TAF13: variants seen among roughly 807,000 people sequenced by gnomAD.
TAF13 encodes the protein TATA-box binding protein associated factor 13.
TAF13 carries 9 observed loss-of-function variants against 18.7 expected under a neutral mutation model. The ratio of observed to expected loss-of-function variants is 0.48; its 90% CI spans 0.29 to 0.84. The LOEUF is 0.84. Ranked by LOEUF, TAF13 falls within the 40% of genes least tolerant of loss-of-function variation. The pLI, the probability that TAF13 is intolerant of heterozygous loss-of-function variation, is 0.08. For missense variants in TAF13, 105 were observed against 146.5 expected, an observed-to-expected ratio of 0.72 and a Z score of 1.46; for synonymous variants, 49 against 44.1, an observed-to-expected ratio of 1.11 and a Z score of -0.44.
At chr1:109,074,145 T>G (rs1186577247) in intron 2 of TAF13, among the ~76,000 whole-genome samples, 1 of 152,086 alleles carries the variant, frequency 6.6e-6, no homozygotes, top group East Asian at 1.9e-4. Context: ...AACGGGGAAA[T>G]GTGGGGAAAA....
chr1:109,066,337 A>G (rs1256377592), intron 2 of TAF13, 105 bp from the exon 3 acceptor site: 8 of 822,750 alleles, frequency 9.7e-6, no homozygotes, highest in Middle Eastern at 3.1e-4. Flanking sequence ...TAATATTGGT[A>G]TGAAAACATA....
chr1:109,074,559 C>A (rs1664147068), intron 2 of TAF13, among the ~76,000 whole-genome samples: 1 of 151,742 alleles, frequency 6.6e-6, no homozygotes, highest in Admixed American at 6.6e-5. Context: ...TGAGAAACAC[C>A]CAAGAATGAT....
chr1:109,066,142 G>A lies in TAF13; in HGVS notation c.197C>T (p.Thr66Ile), dbSNP rs1663947670. 6.2e-7 allele frequency: 1 copy of A among 1,607,202 alleles called. No individual in the cohort carries two copies. Among genetic ancestry groups the A allele is most frequent in the Non-Finnish European group, 8.5e-7 (1 of 1,177,882 alleles). ...GTTAGGAAAGAATCTTACCATTTCA[G>A]TGATAAACTCTATGACAAGATCTTC... ...ILEDLVIEFI[T>I]EMTHKAMSIG... The change falls in exon 3 of 4, where the codon ACT becomes ATT. Residue 66 changes from threonine (T) to isoleucine (I), a missense_variant. Coordinates refer to ENST00000338366, the MANE Select transcript of TAF13 (RefSeq NM_005645.4).
At chr1:109,074,488 C>T (rs1441332295) in intron 2 of TAF13, among the ~76,000 whole-genome samples, 1 of 152,180 alleles carries the variant, frequency 6.6e-6, no homozygotes, top group East Asian at 1.9e-4. Context: ...CCCTTGTTCA[C>T]ATGTTTATCT....
intron 2 of TAF13, among the ~76,000 whole-genome samples, chr1:109,074,622 CA>C (rs1056149325): frequency 2.0e-5 from 3 of 151,646 alleles, no homozygotes; most frequent in African/African-American, 4.8e-5. Flanking sequence ...TAAAAACACA[CA>C]AAAAAAATTA....
chr1:109,069,073 T>A (rs1557985006), intron 2 of TAF13, among the ~76,000 whole-genome samples: 1 of 152,296 alleles, frequency 6.6e-6, no homozygotes, highest in Non-Finnish European at 1.5e-5. Context: ...TATCTGTACA[T>A]GGGCATTTTT....
intron 2 of TAF13, among the ~76,000 whole-genome samples, chr1:109,071,935 T>A (rs1275073699): frequency 7.0e-6 from 1 of 143,580 alleles, no homozygotes; most frequent in Non-Finnish European, 1.5e-5. Flanking sequence ...CTGACAACAG[T>A]GAGACTCTGT....
chr1:109,071,048 G>A (rs1664040131), intron 2 of TAF13, among the ~76,000 whole-genome samples: 1 of 152,226 alleles, frequency 6.6e-6, no homozygotes, highest in Admixed American at 6.5e-5. Flanking sequence ...TGTAATCCTA[G>A]CACTTTGGGA....
chr1:109,067,656 G>A (rs1342288649), intron 2 of TAF13, among the ~76,000 whole-genome samples: 1 of 152,066 alleles, frequency 6.6e-6, no homozygotes, highest in Non-Finnish European at 1.5e-5. Context: ...AAAATAATAA[G>A]AGAGAAGTCT....
chr1:109,071,957 A>AAAAAAAAAAAATATAT (rs1268379958), intron 2 of TAF13, among the ~76,000 whole-genome samples: 1 of 87,864 alleles, frequency 1.1e-5, no homozygotes, highest in Non-Finnish European at 2.2e-5. Context: ...TCAAAAAGAA[A>AAAAAAAAAAAATATAT]ATATATATAT....
intron 2 of TAF13, among the ~76,000 whole-genome samples, chr1:109,073,634 C>T (rs1664119832): frequency 1.3e-5 from 2 of 152,200 alleles, no homozygotes; most frequent in Admixed American, 6.5e-5. Context: ...CCCGAGGTGC[C>T]GGGATTCCAG....
intron 3 of TAF13, 52 bp downstream of exon 3, chr1:109,066,083 T>C (rs933668838): frequency 3.5e-5 from 51 of 1,478,180 alleles, no homozygotes; most frequent in Admixed American, 2.5e-4. Flanking sequence ...TAAAGTTTAA[T>C]ATTTCAAATC....
At chr1:109,067,241 T>C (rs1663966583) in intron 2 of TAF13, among the ~76,000 whole-genome samples, 1 of 151,984 alleles carries the variant, frequency 6.6e-6, no homozygotes, top group Non-Finnish European at 1.5e-5. Context: ...GTAGACTGCT[T>C]GAGCTCAGGA....
intron 3 of TAF13, among the ~76,000 whole-genome samples, chr1:109,065,367 T>C (rs541220036): frequency 2.2e-4 from 33 of 152,010 alleles, no homozygotes; most frequent in Non-Finnish European, 4.1e-4. Context: ...CATGTGCCTG[T>C]AGTCCCAGGT....
intron 2 of TAF13, among the ~76,000 whole-genome samples, chr1:109,071,973 TATACACAC>T (rs1305684623): frequency 0.069 from 248 of 3,584 alleles, 13 homozygotes; most frequent in Middle Eastern, 0.17. Context: ...TATATATATA[TATACACAC>T]ATATATATAT....
At chr1:109,070,514 G>GA (rs1664030035) in intron 2 of TAF13, among the ~76,000 whole-genome samples, 1 of 151,970 alleles carries the variant, frequency 6.6e-6, no homozygotes, top group Admixed American at 6.6e-5. Context: ...ACCGTGCCCG[G>GA]CCCTTGAGTA....
intron 2 of TAF13, among the ~76,000 whole-genome samples, chr1:109,074,621 A>G (rs1315357482): frequency 6.6e-6 from 1 of 152,130 alleles, no homozygotes; most frequent in Non-Finnish European, 1.5e-5. Context: ...ATAAAAACAC[A>G]CAAAAAAAAT....
At chr1:109,067,268 G>A (rs1445482583) in intron 2 of TAF13, among the ~76,000 whole-genome samples, 1 of 151,926 alleles carries the variant, frequency 6.6e-6, no homozygotes, top group East Asian at 1.9e-4. Flanking sequence ...GACAAGCCTG[G>A]GCAACATGGC....
At position 109,064,662 on chromosome 1, in the gene TAF13, C is replaced by G; in HGVS notation, c.236G>C (p.Gly79Ala). 6.5e-7 allele frequency: 1 copy of G among 1,537,250 alleles called. No individual in the cohort carries two copies. The highest frequency in any genetic ancestry group is 8.7e-7 in the Non-Finnish European group (1 of 1,143,402). ...THKAMSIGRQ[G>A]RVQVEDIVFL... is the part of the protein sequence containing the mutation. ...GACGATATCTTCAACTTGTACTCGA[C>G]CTTGTCTTCCAATTGACATTGCCTT... Residue 79 changes from glycine to alanine, a missense_variant, in exon 4 of 4, where the codon GGT becomes GCT. Coordinates refer to ENST00000338366, the MANE Select transcript of TAF13 (RefSeq NM_005645.4).
Sources: allele counts gnomAD v4.1 joint callset (sites outside exome capture counted in the v4.1 genomes callset), GRCh38; gene constraint gnomAD v4.1.1; transcripts MANE v1.5; gene names NCBI Gene and HGNC (gene_info 2026-07-23, HGNC 2026-07-21).